RMST: variants seen among roughly 807,000 people sequenced by gnomAD.
The protein encoded by RMST is rhabdomyosarcoma 2 associated transcript.
intron 10 of RMST, among the ~76,000 whole-genome samples, chr12:97,513,531 C>T (rs1159570847): frequency 6.6e-6 from 1 of 152,160 alleles, no homozygotes; most frequent in East Asian, 1.9e-4. Flanking sequence ...CTTCTGCCTT[C>T]ATAGAGCTTC....
intron 11 of RMST, chr12:97,532,930 T>C (rs1881788425): frequency 6.6e-6 from 1 of 151,796 alleles, no homozygotes; most frequent in Admixed American, 6.6e-5. Context: ...AAGCCAGAGC[T>C]GAATTATTCT....
At chr12:97,472,036 C>T (rs1296490895) in intron 5 of RMST, among the ~76,000 whole-genome samples, 1 of 151,978 alleles carries the variant, frequency 6.6e-6, no homozygotes, top group Admixed American at 6.6e-5. Flanking sequence ...TTTTAAAAAG[C>T]TCCTGGAGTC....
intron 11 of RMST, among the ~76,000 whole-genome samples, chr12:97,535,601 G>A (rs1442321863): frequency 6.6e-6 from 1 of 151,614 alleles, no homozygotes; most frequent in Non-Finnish European, 1.5e-5. Flanking sequence ...CAGTGGCACA[G>A]CCTGGTTTAG....
chr12:97,557,859 C>T (rs182117495), intron 11 of RMST, among the ~76,000 whole-genome samples: 3 of 152,142 alleles, frequency 2.0e-5, no homozygotes, highest in Admixed American at 6.6e-5. Context: ...TACTACTTAC[C>T]GGATGTATCA....
chr12:97,463,204 C>T (rs1256730622), exon 4 of RMST: 1 of 152,260 alleles, frequency 6.6e-6, no homozygotes, highest in Non-Finnish European at 1.5e-5. Context: ...CAGAGCAGTA[C>T]ACACAGTGGA....
At chr12:97,542,566 A>G (rs1270551589) in intron 11 of RMST, among the ~76,000 whole-genome samples, 2 of 151,810 alleles carry the variant, frequency 1.3e-5, no homozygotes, top group Non-Finnish European at 2.9e-5. Context: ...TAATTTAGAA[A>G]CCTACAACAT....
At chr12:97,499,437 G>T (rs946003951) in intron 10 of RMST, among the ~76,000 whole-genome samples, 16 of 152,012 alleles carry the variant, frequency 1.1e-4, no homozygotes. Flanking sequence ...GGATTTGAAC[G>T]ATTGGGTTCA....
exon 11 of RMST, chr12:97,530,673 C>T (rs1486690334): frequency 1.3e-5 from 2 of 152,008 alleles, no homozygotes; most frequent in African/African-American, 4.8e-5. Context: ...TGATCGTACC[C>T]GCCAGCTGGC....
At chr12:97,542,557 A>C (rs1444069956) in intron 11 of RMST, among the ~76,000 whole-genome samples, 1 of 151,816 alleles carries the variant, frequency 6.6e-6, no homozygotes, top group Non-Finnish European at 1.5e-5. Flanking sequence ...CTCCACTGTT[A>C]ATTTAGAAAC....
intron 5 of RMST, among the ~76,000 whole-genome samples, chr12:97,468,646 G>T (rs1452132657): frequency 6.6e-6 from 1 of 152,018 alleles, no homozygotes; most frequent in African/African-American, 2.4e-5. Context: ...GTAACACACA[G>T]TGGTCAGGAA....
At chr12:97,554,530 A>T (rs1432150493) in intron 11 of RMST, among the ~76,000 whole-genome samples, 1 of 152,148 alleles carries the variant, frequency 6.6e-6, no homozygotes, top group Non-Finnish European at 1.5e-5. Flanking sequence ...AACACTTTTA[A>T]TTTAAAAAAA....
At chr12:97,531,245 C>A (rs567324975) in intron 11 of RMST, among the ~76,000 whole-genome samples, 2 of 151,652 alleles carry the variant, frequency 1.3e-5, no homozygotes, top group South Asian at 4.2e-4. Flanking sequence ...TCAACTAGTT[C>A]TAGGAAAGGA....
intron 11 of RMST, among the ~76,000 whole-genome samples, chr12:97,549,027 A>G (rs564796331): frequency 3.4e-4 from 52 of 152,200 alleles, no homozygotes; most frequent in Non-Finnish European, 6.8e-4. Context: ...AACATCAACA[A>G]AACAAAAAGA....
At chr12:97,516,365 C>T (rs1022711745) in intron 10 of RMST, among the ~76,000 whole-genome samples, 1 of 151,932 alleles carries the variant, frequency 6.6e-6, no homozygotes, top group African/African-American at 2.4e-5. Context: ...TTGTAAAACC[C>T]TGCAGTACAT....
chr12:97,511,494 T>G (rs1314066598), intron 10 of RMST, among the ~76,000 whole-genome samples: 1 of 152,158 alleles, frequency 6.6e-6, no homozygotes, highest in Admixed American at 6.5e-5. Flanking sequence ...AGAAATTTCT[T>G]GCTATTTTTT....
At position 97,559,881 on chromosome 12, in the gene RMST, C is replaced by A. The variant is rs1054482966; in HGVS notation, n.1546-656C>A. Among the ~76,000 whole-genome samples the A allele has an allele frequency of 3.9e-5, 6 of 152,124 alleles. No individual in the cohort carries two copies. In the South Asian group the frequency reaches 8.3e-4, roughly 21 times the overall value. ...AATGTTATTTTAAAAATACCTTCAT[C>A]CTTTCTAGGTGAACAAATATAATAA... On this transcript the variant is annotated intron_variant and non_coding_transcript_variant, in intron 11 of 13. Transcript: ENST00000640149.
intron 11 of RMST, among the ~76,000 whole-genome samples, chr12:97,559,486 G>A (rs1041608703): frequency 2.6e-5 from 4 of 152,088 alleles, no homozygotes; most frequent in Admixed American, 2.6e-4. Context: ...TATCCTGTGG[G>A]ATTCCCCCCA....
rs58131325 is a variant in RMST at position 97,504,870 on chromosome 12, C to T, written n.1340+8814C>T. ...TATGCATTGCTCTACTGAGTTCTAG[C>T]CTTTGGACACATAGAAAATGACTCT... On this transcript the variant is annotated intron_variant and non_coding_transcript_variant, in intron 10 of 13. Coordinates refer to ENST00000640149, the Ensembl canonical transcript of RMST. Among the ~76,000 whole-genome samples, 1,439 of 152,126 alleles carry T rather than the reference C, an allele frequency of 9.5e-3. 30 individuals are homozygous for T. The highest frequency in any genetic ancestry group is 0.033 in the African/African-American group (1,370 of 41,474).
chr12:97,503,673 G>A (rs890202262), intron 10 of RMST, among the ~76,000 whole-genome samples: 4 of 152,278 alleles, frequency 2.6e-5, no homozygotes, highest in Admixed American at 6.5e-5. Flanking sequence ...CAAACTTGGA[G>A]TCATTAATAA....
Sources: gnomAD v4.1 joint callset for allele counts (sites outside exome capture counted in the v4.1 genomes callset) on GRCh38, gnomAD v4.1.1 for gene constraint, MANE v1.5 for transcripts, NCBI Gene and HGNC (gene_info 2026-07-23, HGNC 2026-07-21) for gene names.